APBB2: variants seen among roughly 807,000 people sequenced by gnomAD.
APBB2 encodes amyloid beta precursor protein binding family B member 2, also known as Fe65-like 1.
APBB2 carries 38 observed loss-of-function variants against 82.5 expected under a neutral mutation model. That is an observed-to-expected ratio of 0.46 (90% CI 0.36 to 0.60). APBB2 has a LOEUF of 0.60. APBB2 is among the 20% of genes least tolerant of loss of function. The probability of loss-of-function intolerance (pLI) is 0.00; values close to 1 mark genes in which losing one functional copy is unlikely to be tolerated. For synonymous variants in APBB2, 341 were observed against 368.2 expected, an observed-to-expected ratio of 0.93 and a Z score of 0.85; for missense variants, 772 against 972.3, an observed-to-expected ratio of 0.79 and a Z score of 2.74.
At chr4:40,893,438 A>AGTCACTCCATGGTTTG (rs762770815) in intron 10 of APBB2, 27 bp from the exon 11 acceptor site, 6 of 1,588,986 alleles carry the variant, frequency 3.8e-6, no homozygotes, top group Non-Finnish European at 5.1e-6. Flanking sequence ...GAGGACAAGA[A>AGTCACTCCATGGTTTG]GTCACTCCAT....
intron 6 of APBB2, among the ~76,000 whole-genome samples, chr4:41,005,305 G>A (rs909423901): frequency 4.6e-5 from 7 of 152,078 alleles, no homozygotes; most frequent in Admixed American, 2.0e-4. Flanking sequence ...GGCCAGGATC[G>A]TCTCAATCTC....
chr4:41,150,174 T>C (rs950953138), intron 1 of APBB2, among the ~76,000 whole-genome samples: 1 of 152,248 alleles, frequency 6.6e-6, no homozygotes, highest in African/African-American at 2.4e-5. Context: ...AGTATTGGAA[T>C]ATTTTTATTA....
At chr4:40,883,990 TGAA>T (rs1769479097) in intron 12 of APBB2, among the ~76,000 whole-genome samples, 1 of 152,240 alleles carries the variant, frequency 6.6e-6, no homozygotes, top group South Asian at 2.1e-4. Flanking sequence ...ATCTCTTCAA[TGAA>T]GAAGCCAGAC....
At chr4:41,155,592 A>T (rs577419175) in intron 1 of APBB2, among the ~76,000 whole-genome samples, 1 of 152,360 alleles carries the variant, frequency 6.6e-6, no homozygotes, top group East Asian at 1.9e-4. Flanking sequence ...AGAGAATCCG[A>T]AAGACACACT....
chr4:40,986,902 G>A (rs1360768073), intron 6 of APBB2, among the ~76,000 whole-genome samples: 5 of 152,090 alleles, frequency 3.3e-5, no homozygotes, highest in Non-Finnish European at 4.4e-5. Context: ...CCGTCAATAC[G>A]GCAAAGGAGT....
intron 10 of APBB2, among the ~76,000 whole-genome samples, chr4:40,922,869 C>T (rs904829364): frequency 6.6e-6 from 1 of 151,994 alleles, no homozygotes; most frequent in Non-Finnish European, 1.5e-5. Context: ...CCACCCCGCT[C>T]GGCCTCCCAA....
intron 6 of APBB2, among the ~76,000 whole-genome samples, chr4:40,967,676 G>A (rs1196675003): frequency 6.6e-6 from 1 of 152,164 alleles, no homozygotes; most frequent in African/African-American, 2.4e-5. Flanking sequence ...CTCGTGTCTG[G>A]CTCACTTTTG....
At chr4:40,906,079 C>T (rs913645537) in intron 10 of APBB2, among the ~76,000 whole-genome samples, 7 of 152,158 alleles carry the variant, frequency 4.6e-5, no homozygotes, top group Admixed American at 2.6e-4. Context: ...CCTTTTAAGA[C>T]ACAAGATACA....
intron 3 of APBB2, among the ~76,000 whole-genome samples, chr4:41,073,529 A>G (rs1734602746): frequency 6.6e-6 from 1 of 152,204 alleles, no homozygotes; most frequent in East Asian, 1.9e-4. Context: ...TAAAATCAGC[A>G]AAGAAGCAAT....
At chr4:40,999,387 G>A (rs1804528120) in intron 6 of APBB2, among the ~76,000 whole-genome samples, 1 of 152,210 alleles carries the variant, frequency 6.6e-6, no homozygotes, top group Non-Finnish European at 1.5e-5. Context: ...AGGCTGCAGT[G>A]AGCTGTGACT....
chr4:41,032,354 G>C (rs1560571705), intron 5 of APBB2, among the ~76,000 whole-genome samples: 1 of 152,046 alleles, frequency 6.6e-6, no homozygotes, highest in Non-Finnish European at 1.5e-5. Context: ...GTAACTGTGA[G>C]GCTAGGGATT....
In APBB2 at chr4:41,159,945, GAA is replaced by G. The variant is rs1491365464; in HGVS notation, c.-416-16805_-416-16804del. 2.6e-3 allele frequency among the ~76,000 whole-genome samples: 96 copies of G among 36,506 alleles called. 14 individuals are homozygous for G. Among genetic ancestry groups the G allele is most frequent in the Non-Finnish European group, 4.2e-3 (74 of 17,774 alleles). The allele number at this position is 36,506 out of a possible 152,430, so 23.9% of individuals were successfully genotyped here. A position where few individuals can be genotyped will look rare whatever the true frequency, so the allele number is the denominator to read the frequency against. On this transcript the variant is annotated intron_variant, in intron 1 of 17. Coordinates refer to ENST00000508593, the MANE Select transcript of APBB2 (RefSeq NM_004307.2). ...AGGAGGAGGAGGAGGAGGAGGAGGA[GAA>G]GGAGAAGGAGAAGGAGAAGAAGAAG...
chr4:41,209,519 G>T (rs1012946165), intron 1 of APBB2, among the ~76,000 whole-genome samples: 4 of 152,118 alleles, frequency 2.6e-5, no homozygotes, highest in African/African-American at 4.8e-5. Context: ...TCTCATCGAG[G>T]CGAGGAGACA....
At chr4:41,207,653 C>G (rs1424379225) in intron 1 of APBB2, among the ~76,000 whole-genome samples, 1 of 152,110 alleles carries the variant, frequency 6.6e-6, no homozygotes, top group Non-Finnish European at 1.5e-5. Context: ...TCACTGGCTC[C>G]TAGGGCACTT....
At chr4:40,871,434 C>T (rs939012480) in intron 12 of APBB2, among the ~76,000 whole-genome samples, 1 of 152,218 alleles carries the variant, frequency 6.6e-6, no homozygotes, top group African/African-American at 2.4e-5. Flanking sequence ...CATGAGCCAC[C>T]GCACCCGGCC....
At chr4:41,213,488 T>G (rs1483166014) in intron 1 of APBB2, among the ~76,000 whole-genome samples, 3 of 152,198 alleles carry the variant, frequency 2.0e-5, no homozygotes, top group African/African-American at 7.2e-5. Flanking sequence ...CGGTGACAAC[T>G]CCACATATGA....
intron 12 of APBB2, among the ~76,000 whole-genome samples, chr4:40,889,939 T>C (rs1046721796): frequency 6.6e-6 from 1 of 152,032 alleles, no homozygotes; most frequent in Admixed American, 6.6e-5. Context: ...CTGTACAACG[T>C]CCCCCTCAAG....
chr4:40,823,831 C>G, intron 15 of APBB2, 72 bp from the exon 16 acceptor site: 1 of 911,732 alleles, frequency 1.1e-6, no homozygotes, highest in South Asian at 1.3e-5. Flanking sequence ...CCCAAATCAC[C>G]AATAACAGCT....
At chr4:40,818,119 A>G (rs978078265) in intron 17 of APBB2, among the ~76,000 whole-genome samples, 3 of 152,240 alleles carry the variant, frequency 2.0e-5, no homozygotes, top group Admixed American at 6.5e-5. Context: ...AGCAGATTCA[A>G]AAGAACGTTA....
Sources: gnomAD v4.1 joint callset for allele counts (sites outside exome capture counted in the v4.1 genomes callset) on GRCh38, gnomAD v4.1.1 for gene constraint, MANE v1.5 for transcripts, NCBI Gene and HGNC (gene_info 2026-07-23, HGNC 2026-07-21) for gene names.